The following MCF2L variants were observed in gnomAD, a reference collection of about 807,000 sequenced individuals.
MCF2L encodes the protein MCF.2 cell line derived transforming sequence like, also known as guanine nucleotide exchange factor DBS.
A neutral mutation model predicts 153.4 loss-of-function variants in MCF2L; 97 were observed. The ratio of observed to expected loss-of-function variants is 0.63; its 90% CI spans 0.54 to 0.75. The LOEUF (loss-of-function observed/expected upper bound fraction) is 0.75, where lower values mean the gene tolerates loss of function less well. Among genes scored for constraint, MCF2L ranks in the 30% least tolerant of loss-of-function variants. The pLI, the probability that MCF2L is intolerant of heterozygous loss-of-function variation, is 0.00. For missense variants in MCF2L, 1,347 were observed against 1,495.2 expected, an observed-to-expected ratio of 0.90 and a Z score of 1.64; for synonymous variants, 659 against 632.2, an observed-to-expected ratio of 1.04 and a Z score of -0.64.
intron 14 of MCF2L, 75 bp downstream of exon 14, chr13:113,078,511 GC>G (rs948602545): frequency 2.5e-5 from 36 of 1,444,194 alleles, no homozygotes; most frequent in Middle Eastern, 1.7e-4. Flanking sequence ...TCTCCGTGTG[GC>G]CCCCCCTCCC....
At position 112,953,209 on chromosome 13, in the gene MCF2L, C is replaced by T. The variant is rs77384981; in HGVS notation, c.169+50838C>T. ...TGTGCTCTTGGTGAACTGGAAGGTA[C>T]GTTTCCAGGTCTGCTTTTCTGTAGG... On this transcript the variant is annotated intron_variant, in intron 2 of 29. Coordinates refer to the MCF2L transcript ENST00000375608. Among the ~76,000 whole-genome samples, 417 of 152,288 alleles carry T rather than the reference C, an allele frequency of 2.7e-3. 2 individuals are homozygous for T. Among genetic ancestry groups the T allele is most frequent in the African/African-American group, 9.3e-3 (385 of 41,560 alleles).
intron 4 of MCF2L, among the ~76,000 whole-genome samples, chr13:113,055,264 G>A (rs1243595802): frequency 1.3e-5 from 2 of 151,888 alleles, no homozygotes; most frequent in African/African-American, 4.8e-5. Context: ...GGAAGAGGGG[G>A]TCATGTTTGA....
At chr13:113,080,453 C>T (rs61966405) in intron 15 of MCF2L, among the ~76,000 whole-genome samples, 3,609 of 152,302 alleles carry the variant, frequency 0.024, 49 homozygotes, top group Middle Eastern at 0.068. Flanking sequence ...GTGCCGAGTC[C>T]GGGGCCTCTG....
intron 2 of MCF2L, among the ~76,000 whole-genome samples, chr13:112,930,614 T>C (rs933841948): frequency 7.2e-5 from 11 of 152,208 alleles, no homozygotes; most frequent in Non-Finnish European, 1.0e-4. Flanking sequence ...TCAAAACCCA[T>C]ACAGATGCAC....
chr13:113,006,786 C>T (rs912818768), intron 1 of MCF2L, among the ~76,000 whole-genome samples: 1 of 152,246 alleles, frequency 6.6e-6, no homozygotes, highest in African/African-American at 2.4e-5. Flanking sequence ...CTTGAGAACG[C>T]CCCGAGCATC....
At chr13:113,023,925 T>A (rs1232711687) in intron 2 of MCF2L, among the ~76,000 whole-genome samples, 3 of 152,174 alleles carry the variant, frequency 2.0e-5, no homozygotes, top group Non-Finnish European at 4.4e-5. Context: ...CTACAGGGCA[T>A]GAGAGGGCAG....
At chr13:113,011,786 CTGTGATG>C (rs1390518054) in intron 1 of MCF2L, among the ~76,000 whole-genome samples, 30 of 108,940 alleles carry the variant, frequency 2.8e-4, no homozygotes, top group South Asian at 7.8e-4. Context: ...ACGGTGGACA[CTGTGATG>C]CGGACGGTGG....
rs768715487 is a variant in MCF2L at position 113,088,283 on chromosome 13, G to A, written c.2689-44G>A. The A allele has an allele frequency of 4.7e-6, 7 of 1,497,334 alleles. No homozygotes were observed. In the Admixed American group the frequency reaches 8.4e-5, roughly 18 times the overall value. The allele number at this position is 1,497,334 out of a possible 1,614,324, so 92.8% of individuals were successfully genotyped here. A position where few individuals can be genotyped will look rare whatever the true frequency, so the allele number is the denominator to read the frequency against. Reference sequence around the variant, plus strand: ...AGTGAAACCAAAGCGTGTTTCCTCGGGGGCCTGAGTACTCACCTCCTGGCG... The same window carrying A: ...AGTGAAACCAAAGCGTGTTTCCTCGAGGGCCTGAGTACTCACCTCCTGGCG... On this transcript the variant is annotated intron_variant, in intron 23 of 29. Coordinates refer to ENST00000535094, the MANE Select transcript of MCF2L (RefSeq NM_001112732.3).
Position 113,045,557 on chromosome 13 carries a change from TCC to T in MCF2L, c.369+198_369+199del. On this transcript the variant is annotated intron_variant, in intron 4 of 29. Transcript: ENST00000535094. The surrounding 1 kb of genome is among the most constrained non-coding windows in gnomAD (Gnocchi z 4.2). ...GGCACTGGTGCCTGGGTGTGAGTTTTCCCAGATGAAGGAACTCTTAGGGAGCC... is the reference window on the plus strand; with the variant it reads ...GGCACTGGTGCCTGGGTGTGAGTTTTCAGATGAAGGAACTCTTAGGGAGCC... The T allele has an allele frequency of 1.7e-6, 1 of 595,638 alleles. No individual in the cohort carries two copies. Among genetic ancestry groups the T allele is most frequent in the Non-Finnish European group, 3.0e-6 (1 of 332,782 alleles). 36.9% of individuals were successfully genotyped at this position (595,638 alleles called of 1,614,324 possible).
intron 7 of MCF2L, chr13:113,065,343 G>C (rs2141836204): frequency 2.0e-6 from 1 of 508,468 alleles, no homozygotes; most frequent in South Asian, 2.5e-5. Flanking sequence ...TCTGGCGTTG[G>C]GTCAACCATT....
At position 113,046,652 on chromosome 13, in the gene MCF2L, A is replaced by C; in HGVS notation, c.369+1291A>C. ...CCACAACCTTCATCGTTTTGGTGCA[A>C]GCCTGTCCCTGAGCCGCTGGTTCTC... On this transcript the variant is annotated intron_variant, in intron 4 of 29. Transcript: ENST00000535094. This position sits in a 1 kb window ranked among gnomAD's most constrained non-coding sequence, Gnocchi z 4.4. The C allele has an allele frequency of 1.9e-6, 1 of 533,208 alleles. No individual in the cohort carries two copies. The highest frequency in any genetic ancestry group is 3.8e-6 in the Non-Finnish European group (1 of 259,874). 33.0% of individuals were successfully genotyped at this position (533,208 alleles called of 1,614,324 possible).
intron 1 of MCF2L, chr13:112,979,352 T>C: frequency 7.7e-7 from 1 of 1,297,494 alleles, no homozygotes. Flanking sequence ...GCTGGGTTTC[T>C]CTAGCACCTC....
rs760278618 is a variant in MCF2L at position 113,087,244 on chromosome 13, G to A, written c.2383G>A (p.Gly795Ser). The change falls in exon 22 of 30, where the codon GGC (glycine) becomes AGC (serine). Residue 795 changes from glycine (G) to serine (S), a missense_variant. Transcript: ENST00000535094. ...GCTGTCGCACATTTAGGGGAATCTC[G>A]GCGACCTGGGCAAGCTGCTGATGCA... ...IAITGYDGNL[G>S]DLGKLLMQGS... 17 of 1,611,214 alleles carry A rather than the reference G, an allele frequency of 1.1e-5. No individual in the cohort carries two copies. Among genetic ancestry groups the A allele is most frequent in the South Asian group, 6.6e-5 (6 of 90,994 alleles).
intron 1 of MCF2L, among the ~76,000 whole-genome samples, chr13:112,971,227 G>C (rs2082028695): frequency 6.6e-6 from 1 of 152,176 alleles, no homozygotes; most frequent in African/African-American, 2.4e-5. Context: ...ACATTCTCTG[G>C]TAGGGGTGAA....
intron 4 of MCF2L, among the ~76,000 whole-genome samples, chr13:113,048,437 C>CTTTTTT (rs35857164): frequency 9.6e-5 from 10 of 104,176 alleles, no homozygotes; most frequent in East Asian, 2.7e-4. Flanking sequence ...AATTTACGGT[C>CTTTTTT]TTTTTTTTTT....
intron 1 of MCF2L, among the ~76,000 whole-genome samples, chr13:112,896,457 G>C (rs988756185): frequency 9.3e-5 from 14 of 151,312 alleles, no homozygotes; most frequent in African/African-American, 1.5e-4. Flanking sequence ...CAGAAGAGAG[G>C]CCCCCCCTGT....
chr13:113,078,880 C>A (rs886897742), intron 15 of MCF2L, 141 bp downstream of exon 15: 2 of 814,124 alleles, frequency 2.5e-6, no homozygotes, highest in Non-Finnish European at 3.8e-6. Flanking sequence ...TTGCACCAAC[C>A]GATACCCAGA....
chr13:112,933,581 T>C (rs2081485330), intron 2 of MCF2L, among the ~76,000 whole-genome samples: 1 of 152,268 alleles, frequency 6.6e-6, no homozygotes, highest in South Asian at 2.1e-4. Context: ...GATTTCGGTA[T>C]TTTTCTTTTA....
intron 1 of MCF2L, among the ~76,000 whole-genome samples, chr13:112,990,209 G>A (rs549137575): frequency 3.9e-5 from 6 of 152,316 alleles, no homozygotes; most frequent in Non-Finnish European, 8.8e-5. Context: ...TGAAAGTGCA[G>A]GAACTACCAC....
Sources: gnomAD v4.1 joint callset for allele counts (sites outside exome capture counted in the v4.1 genomes callset) on GRCh38, gnomAD v4.1.1 for gene constraint, Gnocchi (gnomAD v3.1) non-coding constraint, MANE v1.5 for transcripts, NCBI Gene and HGNC (gene_info 2026-07-23, HGNC 2026-07-21) for gene names.